Variants in ZBTB20 observed in about 807,000 individuals in gnomAD.
The protein encoded by ZBTB20 is zinc finger and BTB domain-containing protein 20.
In ZBTB20, 9 loss-of-function variants were observed where a neutral mutation model predicts 56.9. The observed-to-expected ratio is 0.16, with a 90% CI of 0.10 to 0.28. ZBTB20 has a LOEUF of 0.28. ZBTB20 is among the 10% of genes least tolerant of loss of function. The probability of loss-of-function intolerance (pLI) is 1.00; values close to 1 mark genes in which losing one functional copy is unlikely to be tolerated. For synonymous variants in ZBTB20, 417 were observed against 420.7 expected, an observed-to-expected ratio of 0.99 and a Z score of 0.11; for missense variants, 655 against 1,003.0, an observed-to-expected ratio of 0.65 and a Z score of 4.69.
chr3:114,717,371 G>T (rs1423717969), intron 5 of ZBTB20, among the ~76,000 whole-genome samples: 1 of 152,064 alleles, frequency 6.6e-6, no homozygotes, highest in Non-Finnish European at 1.5e-5. Context: ...AGGTTATTGA[G>T]GTTCACATTA....
chr3:114,496,419 A>G (rs1266173040), intron 7 of ZBTB20, among the ~76,000 whole-genome samples: 1 of 152,088 alleles, frequency 6.6e-6, no homozygotes, highest in Non-Finnish European at 1.5e-5. Context: ...CACATAATTG[A>G]CCATCTGATC....
chr3:114,685,352 T>C (rs1049382681), intron 6 of ZBTB20, among the ~76,000 whole-genome samples: 4 of 152,168 alleles, frequency 2.6e-5, no homozygotes, highest in African/African-American at 9.7e-5. Context: ...ATTTCAAAGC[T>C]TTCATGAGCT....
At chr3:114,928,536 G>A (rs925651662) in intron 3 of ZBTB20, among the ~76,000 whole-genome samples, 2 of 152,100 alleles carry the variant, frequency 1.3e-5, no homozygotes, top group African/African-American at 4.8e-5. Flanking sequence ...CAGATCTCAG[G>A]CCCAAAGAAA....
At chr3:115,041,575 G>A (rs1012873604) in intron 2 of ZBTB20, among the ~76,000 whole-genome samples, 3 of 152,092 alleles carry the variant, frequency 2.0e-5, no homozygotes, top group African/African-American at 4.8e-5. Context: ...CATGGTTTCT[G>A]ACAATTATTT....
chr3:114,575,396 T>C (rs2053899448), intron 6 of ZBTB20, among the ~76,000 whole-genome samples: 1 of 152,148 alleles, frequency 6.6e-6, no homozygotes, highest in Non-Finnish European at 1.5e-5. Context: ...ACTTTGCTTT[T>C]TCCCTTGCTA....
At chr3:114,659,653 C>A (rs1289044025) in intron 6 of ZBTB20, among the ~76,000 whole-genome samples, 1 of 152,168 alleles carries the variant, frequency 6.6e-6, no homozygotes, top group East Asian at 1.9e-4. Flanking sequence ...TGGCTCCCTG[C>A]ATGCTGTTCA....
rs113618023 is a variant in ZBTB20 at position 114,553,565 on chromosome 3, T to C, written c.-294-53174A>G. 2.0e-3 allele frequency among the ~76,000 whole-genome samples: 311 copies of C among 152,338 alleles called. 1 individual carries two copies. Among genetic ancestry groups the C allele is most frequent in the Admixed American group, 4.1e-3 (63 of 15,300 alleles). On this transcript the variant is annotated intron_variant, in intron 6 of 11. Coordinates refer to ENST00000675478, the MANE Select transcript of ZBTB20 (RefSeq NM_001348800.3). ...GTCTTATTATTAGCCAGGTCCAGTT[T>C]ATATTAGTTAAAATGAACATCATAA...
chr3:114,469,274 A>C (rs982363915), intron 7 of ZBTB20, among the ~76,000 whole-genome samples: 1 of 152,170 alleles, frequency 6.6e-6, no homozygotes, highest in Non-Finnish European at 1.5e-5. Context: ...AGTCACAAGG[A>C]ATGTAATGTG....
intron 6 of ZBTB20, among the ~76,000 whole-genome samples, chr3:114,629,808 G>A (rs527743820): frequency 4.6e-5 from 7 of 152,200 alleles, no homozygotes; most frequent in Admixed American, 6.5e-5. Context: ...TAATAATAAC[G>A]GGATTAAAGT....
chr3:114,439,136 T>C (rs2090739448), intron 7 of ZBTB20, among the ~76,000 whole-genome samples: 1 of 152,084 alleles, frequency 6.6e-6, no homozygotes, highest in South Asian at 2.1e-4. Context: ...ATGCCCAGGA[T>C]ATCAATGTCT....
chr3:115,005,646 G>A (rs1212252545), intron 2 of ZBTB20, among the ~76,000 whole-genome samples: 1 of 151,726 alleles, frequency 6.6e-6, no homozygotes, highest in Non-Finnish European at 1.5e-5. Flanking sequence ...GAGAGAGTAG[G>A]TAACAATCAA....
chr3:114,417,001 GTTTGT>G (rs928333431), intron 7 of ZBTB20, among the ~76,000 whole-genome samples: 42 of 152,152 alleles, frequency 2.8e-4, no homozygotes, highest in African/African-American at 9.9e-4. Context: ...GAAAAAAAGA[GTTTGT>G]TTTATTTTCT....
At chr3:115,031,713 T>C (rs2080688043) in intron 2 of ZBTB20, among the ~76,000 whole-genome samples, 1 of 151,534 alleles carries the variant, frequency 6.6e-6, no homozygotes. Context: ...AAATTGACAC[T>C]AAGTGCTGTA....
At chr3:114,926,605 T>C (rs1463170823) in intron 3 of ZBTB20, among the ~76,000 whole-genome samples, 1 of 152,182 alleles carries the variant, frequency 6.6e-6, no homozygotes, top group East Asian at 1.9e-4. Flanking sequence ...CTCCTGCTTC[T>C]AGGAGAGGGC....
chr3:114,812,272 G>A (rs1207157205), intron 4 of ZBTB20, among the ~76,000 whole-genome samples: 1 of 152,128 alleles, frequency 6.6e-6, no homozygotes, highest in East Asian at 1.9e-4. Context: ...GGTGCTGATT[G>A]GTGCGTTTAC....
chr3:115,045,085 T>A (rs2081285582), intron 2 of ZBTB20, among the ~76,000 whole-genome samples: 1 of 152,222 alleles, frequency 6.6e-6, no homozygotes. Flanking sequence ...TTAGCATTCC[T>A]GTGATAGATG....
intron 5 of ZBTB20, among the ~76,000 whole-genome samples, chr3:114,709,661 T>G (rs1193155996): frequency 1.3e-5 from 2 of 152,154 alleles, no homozygotes; most frequent in African/African-American, 2.4e-5. Flanking sequence ...TAACCTATAA[T>G]CAGGACTTCC....
At chr3:114,960,398 A>C (rs999129565) in intron 3 of ZBTB20, among the ~76,000 whole-genome samples, 13 of 152,248 alleles carry the variant, frequency 8.5e-5, no homozygotes, top group African/African-American at 3.1e-4. Flanking sequence ...TAAAATATCA[A>C]ACCACAGCAT....
At position 114,503,642 on chromosome 3, in the gene ZBTB20, A is replaced by T. The variant is rs1043616681; in HGVS notation, c.-294-3251T>A. On this transcript the variant is annotated intron_variant, in intron 6 of 11. Transcript: ENST00000675478. ...GCATTAAGCACACTTTGTTCAAAGC[A>T]TAAATATATCTAGCAAAGAGTATAA... Among the ~76,000 whole-genome samples, 4 of 152,334 alleles carry T rather than the reference A, an allele frequency of 2.6e-5. 1 individual carries two copies. The highest frequency in any genetic ancestry group is 7.2e-5 in the African/African-American group (3 of 41,580).
Sources: gnomAD v4.1 joint callset for allele counts (sites outside exome capture counted in the v4.1 genomes callset) on GRCh38, gnomAD v4.1.1 for gene constraint, MANE v1.5 for transcripts, NCBI Gene and HGNC (gene_info 2026-07-23, HGNC 2026-07-21) for gene names.